The following BAZ2B variants were observed in gnomAD, a reference collection of about 807,000 sequenced individuals.
BAZ2B encodes the protein bromodomain adjacent to zinc finger domain 2B, also known as bromodomain adjacent to zinc finger domain protein 2B.
Under a neutral mutation model 246.0 loss-of-function variants are expected in BAZ2B, and 91 were observed. The ratio of observed to expected loss-of-function variants is 0.37; its 90% CI spans 0.31 to 0.44. The LOEUF is 0.44. Among genes scored for constraint, BAZ2B ranks in the 20% least tolerant of loss-of-function variants. BAZ2B has a pLI of 1.00. For synonymous variants in BAZ2B, 855 were observed against 860.0 expected, an observed-to-expected ratio of 0.99 and a Z score of 0.10; for missense variants, 2,332 against 2,533.7, an observed-to-expected ratio of 0.92 and a Z score of 1.71.
At chr2:159,696,286 T>C in the BAZ2B span, among the ~76,000 whole-genome samples, 1 of 152,306 alleles carries the variant, frequency 6.6e-6, no homozygotes, top group African/African-American at 2.4e-5. Context: ...TTTACTAAAG[T>C]ATGGTTTCTT....
rs1419789369 is a variant in BAZ2B at position 159,439,086 on chromosome 2, C to T, written c.823G>A (p.Glu275Lys). 4 of 1,613,698 alleles carry T rather than the reference C, an allele frequency of 2.5e-6. No homozygotes were observed. Among genetic ancestry groups the T allele is most frequent in the African/African-American group, 1.3e-5 (1 of 74,890 alleles). Residue 275 changes from glutamate to lysine, a missense_variant, in exon 7 of 37, where the codon GAA becomes AAA. Physicochemically the swap from Glu to Lys is moderately conservative, Grantham distance 56 (BLOSUM62 1). Coordinates refer to ENST00000392783, the MANE Select transcript of BAZ2B (RefSeq NM_013450.4). ...SDDLEEDEEE[E>K]DQSIEESEDD... Reference sequence around the variant, plus strand: ...TCACTTTCTTCAATACTTTGATCTTCTTCTTCTTCATCTTCTTCTAGATCA... The same window carrying T: ...TCACTTTCTTCAATACTTTGATCTTTTTCTTCTTCATCTTCTTCTAGATCA...
the BAZ2B span, chr2:159,694,899 G>C: frequency 2.6e-5 from 4 of 152,186 alleles, no homozygotes; most frequent in Non-Finnish European, 5.9e-5. Context: ...CTGCTAAACT[G>C]CTTTCCCAAA....
chr2:159,462,508 T>C lies in BAZ2B; in HGVS notation c.146-8707A>G, dbSNP rs1022379190. 8.1e-6 allele frequency: 8 copies of C among 989,580 alleles called. No homozygotes were observed. The African/African-American group carries it at 9.6e-5, about 12-fold the overall frequency. The allele number at this position is 989,580 out of a possible 1,614,324, so 61.3% of individuals were successfully genotyped here. A position where few individuals can be genotyped will look rare whatever the true frequency, so the allele number is the denominator to read the frequency against. On this transcript the variant is annotated intron_variant, in intron 3 of 36. Coordinates refer to ENST00000392783, the MANE Select transcript of BAZ2B (RefSeq NM_013450.4). ...AGACCTTGAATGTGGTATCTGACAT[T>C]GTTTGACAGTTTTCACTAATTGCTG...
Position 159,337,599 on chromosome 2 carries a change from C to G in BAZ2B, c.5628G>C (p.Arg1876Ser), listed in dbSNP as rs765833630. 1.2e-6 allele frequency: 2 copies of G among 1,614,070 alleles called. No homozygotes were observed. Among genetic ancestry groups the G allele is most frequent in the Middle Eastern group, 1.6e-4 (1 of 6,084 alleles). ...CAATGTTCCGCTCCAAATCAGCCAG[C>G]CTGGTTACAGCTATATCTAGGGGGT... Reference protein sequence around the residue: ...SDNPLDIAVTRLADLERNIER... With the variant: ...SDNPLDIAVTSLADLERNIER... The change falls in exon 32 of 37, where the codon AGG (arginine) becomes AGC (serine). Residue 1876 changes from arginine (R) to serine (S), a missense_variant. Around this residue, in one of 9 missense-constraint regions of BAZ2B, gnomAD observed 8 missense variants for 26.8 expected, o/e 0.30. Coordinates refer to ENST00000392783, the MANE Select transcript of BAZ2B (RefSeq NM_013450.4).
chr2:159,438,993 A>G lies in BAZ2B; in HGVS notation c.900+16T>C, dbSNP rs761351027. On this transcript the variant is annotated intron_variant, in intron 7 of 36. Transcript: ENST00000392783. ...TATGAATAATGTTTGGATACTGTCCATGAAAAAAATTATACCTGGTTGTTA... is the reference window on the plus strand; with the variant it reads ...TATGAATAATGTTTGGATACTGTCCGTGAAAAAAATTATACCTGGTTGTTA... 1.2e-6 allele frequency: 2 copies of G among 1,609,856 alleles called. No homozygotes were observed. Among genetic ancestry groups the G allele is most frequent in the Non-Finnish European group, 1.7e-6 (2 of 1,178,046 alleles).
chr2:159,635,517 A>G, the BAZ2B span, among the ~76,000 whole-genome samples: 2 of 151,314 alleles, frequency 1.3e-5, no homozygotes, highest in Admixed American at 1.3e-4. Context: ...GAAATTTTCT[A>G]TTTCTTTCCT....
At chr2:159,352,677 G>A (rs1166690633) in intron 27 of BAZ2B, among the ~76,000 whole-genome samples, 1 of 152,052 alleles carries the variant, frequency 6.6e-6, no homozygotes, top group Non-Finnish European at 1.5e-5. Context: ...GTAGAGACGA[G>A]GTTTCACTAT....
the BAZ2B span, among the ~76,000 whole-genome samples, chr2:159,640,827 TA>T: frequency 2.3e-4 from 32 of 140,042 alleles, no homozygotes; most frequent in South Asian, 4.5e-4. Context: ...ATGAAACATT[TA>T]AAAAAAAAAC....
intron 2 of BAZ2B, among the ~76,000 whole-genome samples, chr2:159,540,842 C>G (rs13420120): frequency 0.031 from 4,692 of 152,198 alleles, 243 homozygotes; most frequent in African/African-American, 0.11. Flanking sequence ...TAGATCAAAC[C>G]TATCTTTATT....
intron 3 of BAZ2B, among the ~76,000 whole-genome samples, chr2:159,457,510 C>T (rs2075923092): frequency 6.6e-6 from 1 of 152,204 alleles, no homozygotes; most frequent in African/African-American, 2.4e-5. Flanking sequence ...AGTCTTTAGG[C>T]AAACTTGCAG....
At chr2:159,457,364 C>T (rs1415406282) in intron 3 of BAZ2B, among the ~76,000 whole-genome samples, 2 of 152,162 alleles carry the variant, frequency 1.3e-5, no homozygotes, top group Admixed American at 1.3e-4. Context: ...ACCCAAACAC[C>T]TAAAACAGTG....
chr2:159,395,619 C>T (rs1341125774), intron 20 of BAZ2B, 150 bp downstream of exon 20: 1 of 561,904 alleles, frequency 1.8e-6, no homozygotes. Flanking sequence ...TTCTAACACT[C>T]AGTTGCTATC....
At chr2:159,523,798 C>A (rs1444049202) in intron 2 of BAZ2B, among the ~76,000 whole-genome samples, 1 of 152,064 alleles carries the variant, frequency 6.6e-6, no homozygotes, top group Admixed American at 6.5e-5. Context: ...TGATCTAGTA[C>A]CTAACAATTT....
chr2:159,426,774 A>C (rs1006012858), intron 13 of BAZ2B, among the ~76,000 whole-genome samples: 2 of 152,174 alleles, frequency 1.3e-5, no homozygotes, highest in African/African-American at 4.8e-5. Flanking sequence ...GTGACCTTAA[A>C]AAATTCCTTT....
upstream of BAZ2B, among the ~76,000 whole-genome samples, chr2:159,618,820 G>A (rs975879803): frequency 5.3e-5 from 8 of 152,058 alleles, no homozygotes; most frequent in Admixed American, 1.3e-4. Context: ...AATATACCTC[G>A]CTTGAAATAA....
chr2:159,474,088 A>G (rs1407830517), intron 3 of BAZ2B, among the ~76,000 whole-genome samples: 1 of 152,146 alleles, frequency 6.6e-6, no homozygotes. Context: ...TGCTTGGTCC[A>G]CAGCTGAGTT....
At chr2:159,341,434 T>TG (rs2066696701) in intron 31 of BAZ2B, among the ~76,000 whole-genome samples, 1 of 152,188 alleles carries the variant, frequency 6.6e-6, no homozygotes, top group South Asian at 2.1e-4. Context: ...TGATAATGGC[T>TG]GGGGATTTCA....
intron 6 of BAZ2B, among the ~76,000 whole-genome samples, chr2:159,443,416 A>G (rs1221232162): frequency 6.6e-6 from 1 of 152,138 alleles, no homozygotes; most frequent in African/African-American, 2.4e-5. Flanking sequence ...TAAGTACCCC[A>G]CCTCCCATGG....
intron 6 of BAZ2B, among the ~76,000 whole-genome samples, chr2:159,443,644 T>G (rs1222158218): frequency 1.3e-5 from 2 of 152,170 alleles, no homozygotes; most frequent in African/African-American, 2.4e-5. Flanking sequence ...GCTGTTCTTT[T>G]GAAATCATAA....
Sources: gnomAD v4.1 joint callset for allele counts (sites outside exome capture counted in the v4.1 genomes callset) on GRCh38, gnomAD v4.1.1 for gene constraint, gnomAD v4.1.1 regional missense constraint, MANE v1.5 for transcripts, NCBI Gene and HGNC (gene_info 2026-07-23, HGNC 2026-07-21) for gene names.